The following CCDC88C variants were observed in gnomAD, a reference collection of about 807,000 sequenced individuals.
The protein encoded by CCDC88C is protein Daple.
CCDC88C carries 131 observed loss-of-function variants against 198.8 expected under a neutral mutation model. The observed-to-expected ratio is 0.66, with a 90% CI of 0.57 to 0.76. The LOEUF (loss-of-function observed/expected upper bound fraction) is 0.76, where lower values mean the gene tolerates loss of function less well. CCDC88C is among the 30% of genes least tolerant of loss of function. CCDC88C has a pLI of 0.00. For missense variants in CCDC88C, 2,553 were observed against 2,631.6 expected, an observed-to-expected ratio of 0.97 and a Z score of 0.65; for synonymous variants, 1,166 against 1,114.7, an observed-to-expected ratio of 1.05 and a Z score of -0.92.
intron 13 of CCDC88C, among the ~76,000 whole-genome samples, chr14:91,318,917 CAAAAAA>C (rs61183857): frequency 2.2e-4 from 23 of 105,290 alleles, no homozygotes; most frequent in Non-Finnish European, 2.8e-4. Flanking sequence ...AGACTCCGTC[CAAAAAA>C]AAAAAAAAAA....
At chr14:91,305,435 A>G (rs146536787) in intron 19 of CCDC88C, among the ~76,000 whole-genome samples, 2,191 of 152,316 alleles carry the variant, frequency 0.014, 34 homozygotes, top group Middle Eastern at 0.024. Flanking sequence ...TGTTAAACCA[A>G]GCTTAATCCT....
At chr14:91,345,190 A>ATATATATATATTTTT (rs1246878587) in intron 4 of CCDC88C, among the ~76,000 whole-genome samples, 2 of 52,200 alleles carry the variant, frequency 3.8e-5, no homozygotes, top group African/African-American at 1.6e-4. Flanking sequence ...ATATATATAT[A>ATATATATATATTTTT]TTTTTTTTTT....
chr14:91,351,046 G>A (rs1201525739), intron 4 of CCDC88C, among the ~76,000 whole-genome samples: 2 of 152,142 alleles, frequency 1.3e-5, no homozygotes, highest in Non-Finnish European at 2.9e-5. Flanking sequence ...TTCTGATCCC[G>A]GTGGTCCCAC....
chr14:91,342,262 C>CA (rs1316662781), intron 6 of CCDC88C, 118 bp downstream of exon 6: 31 of 614,334 alleles, frequency 5.0e-5, no homozygotes, highest in Non-Finnish European at 8.3e-5. Context: ...CTAAGATTAG[C>CA]AAAATCGTAA....
At chr14:91,351,433 T>C (rs1181498848) in intron 4 of CCDC88C, among the ~76,000 whole-genome samples, 2 of 152,136 alleles carry the variant, frequency 1.3e-5, no homozygotes, top group African/African-American at 4.8e-5. Context: ...AAGAGCTGTT[T>C]ATTATTATTT....
intron 3 of CCDC88C, among the ~76,000 whole-genome samples, chr14:91,380,560 CCTTTGCTG>C (rs1364759882): frequency 1.3e-5 from 2 of 148,452 alleles, no homozygotes; most frequent in Non-Finnish European, 3.0e-5. Flanking sequence ...ATCTTTTTTC[CCTTTGCTG>C]TAAAGGGAAA....
chr14:91,322,904 C>CTT (rs35728972), intron 12 of CCDC88C, among the ~76,000 whole-genome samples: 2,676 of 127,466 alleles, frequency 0.021, 87 homozygotes, highest in Middle Eastern at 0.038. Flanking sequence ...CAGTGTTTCT[C>CTT]TTTTTTTTTT....
intron 23 of CCDC88C, among the ~76,000 whole-genome samples, chr14:91,291,954 G>A (rs141492560): frequency 0.015 from 2,281 of 152,278 alleles, 35 homozygotes; most frequent in Middle Eastern, 0.024. Flanking sequence ...ATTCGGAGCC[G>A]CGCTGCCCAT....
At chr14:91,285,088 T>A (rs1300834056) in intron 25 of CCDC88C, among the ~76,000 whole-genome samples, 1 of 152,198 alleles carries the variant, frequency 6.6e-6, no homozygotes, top group Non-Finnish European at 1.5e-5. Context: ...GAACTCTGTC[T>A]GGGCAAAATC....
chr14:91,340,781 A>C (rs966370399), intron 6 of CCDC88C, among the ~76,000 whole-genome samples: 5 of 152,202 alleles, frequency 3.3e-5, no homozygotes, highest in African/African-American at 1.2e-4. Flanking sequence ...TTCAATCAAC[A>C]GAGATAGAGA....
chr14:91,334,155 C>T (rs1254606350), intron 10 of CCDC88C, among the ~76,000 whole-genome samples: 2 of 152,198 alleles, frequency 1.3e-5, no homozygotes, highest in African/African-American at 4.8e-5. Flanking sequence ...TCTCTAACCA[C>T]TTCATTTTTA....
intron 24 of CCDC88C, 50 bp from the exon 25 acceptor site, chr14:91,289,393 C>T (rs745622689): frequency 1.1e-5 from 16 of 1,492,578 alleles, no homozygotes; most frequent in Middle Eastern, 3.4e-4. Flanking sequence ...CACACACCCC[C>T]AGTGGGTCCC....
Position 91,359,107 on chromosome 14 carries a change from C to T in CCDC88C, c.340+535G>A, listed in dbSNP as rs188468254. 1.4e-3 allele frequency among the ~76,000 whole-genome samples: 207 copies of T among 150,176 alleles called. 1 individual carries two copies. The highest frequency in any genetic ancestry group is 2.6e-3 in the Non-Finnish European group (177 of 67,508). ...ACTCATCTTCCCAGGAGGAACAAGG[C>T]GGTGGCCTCACTGGCCTCTGCACAC... On this transcript the variant is annotated intron_variant, in intron 4 of 29. Coordinates refer to ENST00000389857, the MANE Select transcript of CCDC88C (RefSeq NM_001080414.4).
In CCDC88C at chr14:91,273,588, G is replaced by A; in HGVS notation, c.5124C>T (p.Ala1708=). Residue 1708 remains alanine (A), a synonymous_variant, in exon 30 of 30, where the codon GCC becomes GCT. Transcript: ENST00000389857. The surrounding 1 kb of genome is among the most constrained non-coding windows in gnomAD (Gnocchi z 5.6). Reference sequence around the variant, plus strand: ...CAGGTGGTCCTGGTTGGCCTCCGATGGCTGGGGGATCGCTGGCCTTTCGGA... The same window carrying A: ...CAGGTGGTCCTGGTTGGCCTCCGATAGCTGGGGGATCGCTGGCCTTTCGGA... ...DYFRKASDPP[A]IGGQPGPPAK... 6.7e-7 allele frequency: 1 copy of A among 1,495,066 alleles called. No individual in the cohort carries two copies. Among genetic ancestry groups the A allele is most frequent in the Non-Finnish European group, 8.9e-7 (1 of 1,121,342 alleles). 92.6% of individuals were successfully genotyped at this position (1,495,066 alleles called of 1,614,324 possible).
At chr14:91,281,181 TG>T in intron 27 of CCDC88C, 1 of 721,204 alleles carries the variant, frequency 1.4e-6, no homozygotes, top group Non-Finnish European at 2.3e-6. Context: ...CGGAACTTCC[TG>T]GCCAGCCTGG....
At chr14:91,368,068 A>G (rs1596119977) in intron 3 of CCDC88C, among the ~76,000 whole-genome samples, 1 of 152,362 alleles carries the variant, frequency 6.6e-6, no homozygotes, top group East Asian at 1.9e-4. Flanking sequence ...TAATAGTGAC[A>G]GTTGGGAAAA....
At position 91,320,056 on chromosome 14, in the gene CCDC88C, A is replaced by T. The variant is rs944180554; in HGVS notation, c.1527+1064T>A. On this transcript the variant is annotated intron_variant, in intron 13 of 29. Coordinates refer to ENST00000389857, the MANE Select transcript of CCDC88C (RefSeq NM_001080414.4). ...AAAAAAAAAAAAAAAAAAAAAAGAA[A>T]TGTGTGTTTGGTTGTTGCTAAATTT... Among the ~76,000 whole-genome samples, 8 of 150,860 alleles carry T rather than the reference A, an allele frequency of 5.3e-5. No individual in the cohort carries two copies. In the South Asian group the frequency reaches 1.7e-3, roughly 31 times the overall value.
chr14:91,307,297 T>G, intron 17 of CCDC88C, 71 bp from the exon 18 acceptor site: 1 of 1,404,824 alleles, frequency 7.1e-7, no homozygotes. Flanking sequence ...AGTGAGTGGC[T>G]GAGGGCAACC....
At chr14:91,384,704 C>T (rs1047199794) in intron 3 of CCDC88C, among the ~76,000 whole-genome samples, 3 of 152,212 alleles carry the variant, frequency 2.0e-5, no homozygotes, top group Admixed American at 2.0e-4. Context: ...CCAACACGTG[C>T]GGCTGCTCTA....
Sources: allele counts gnomAD v4.1 joint callset (sites outside exome capture counted in the v4.1 genomes callset), GRCh38; gene constraint gnomAD v4.1.1; non-coding constraint Gnocchi (gnomAD v3.1); transcripts MANE v1.5; gene names NCBI Gene and HGNC (gene_info 2026-07-23, HGNC 2026-07-21).